Variants in AQR observed in about 807,000 individuals in gnomAD.
AQR encodes the protein RNA helicase aquarius.
In AQR, 61 loss-of-function variants were observed where a neutral mutation model predicts 180.5. The observed-to-expected ratio is 0.34, with a 90% CI of 0.28 to 0.42. AQR has a LOEUF of 0.42. Among genes scored for constraint, AQR ranks in the 10% least tolerant of loss-of-function variants. The pLI is 1.00. For synonymous variants in AQR, 551 were observed against 588.8 expected, an observed-to-expected ratio of 0.94 and a Z score of 0.93; for missense variants, 1,281 against 1,798.3, an observed-to-expected ratio of 0.71 and a Z score of 5.20.
At chr15:34,883,668 A>G (rs1893009688) in intron 26 of AQR, among the ~76,000 whole-genome samples, 1 of 152,226 alleles carries the variant, frequency 6.6e-6, no homozygotes, top group Non-Finnish European at 1.5e-5. Context: ...TTTCTACCTG[A>G]AAGTGTAATC....
At chr15:34,968,719 C>T (rs571870116) in intron 1 of AQR, among the ~76,000 whole-genome samples, 1 of 152,074 alleles carries the variant, frequency 6.6e-6, no homozygotes, top group Admixed American at 6.6e-5. Context: ...GGCAACCAAG[C>T]TTAGGGTGAC....
At chr15:34,893,528 T>C (rs1893181537) in intron 23 of AQR, 135 bp downstream of exon 23, 3 of 658,776 alleles carry the variant, frequency 4.6e-6, no homozygotes, top group South Asian at 2.2e-5. Flanking sequence ...ACTAGATTTC[T>C]TGAAGAGGAA....
chr15:34,895,002 C>T (rs1037990655), intron 22 of AQR, among the ~76,000 whole-genome samples: 3 of 150,130 alleles, frequency 2.0e-5, no homozygotes, highest in Non-Finnish European at 4.4e-5. Context: ...CAATTCTCTA[C>T]TAAAAATACA....
chr15:34,928,360 C>T (rs540532283), intron 12 of AQR, among the ~76,000 whole-genome samples: 2 of 152,224 alleles, frequency 1.3e-5, no homozygotes, highest in East Asian at 1.9e-4. Flanking sequence ...CTCCCATCCC[C>T]GACAGGTACT....
At chr15:34,926,392 TTA>T (rs1893764754) in intron 13 of AQR, among the ~76,000 whole-genome samples, 1 of 152,160 alleles carries the variant, frequency 6.6e-6, no homozygotes, top group African/African-American at 2.4e-5. Context: ...AGTATAGTAG[TTA>T]AAAGTTAGGG....
chr15:34,902,411 C>A (rs1194162592), intron 19 of AQR, among the ~76,000 whole-genome samples: 1 of 152,056 alleles, frequency 6.6e-6, no homozygotes, highest in Non-Finnish European at 1.5e-5. Flanking sequence ...CCAAAGAAAC[C>A]AAAAGAGCAT....
chr15:34,908,720 G>C (rs1893456034), intron 17 of AQR, among the ~76,000 whole-genome samples: 1 of 152,156 alleles, frequency 6.6e-6, no homozygotes, highest in Non-Finnish European at 1.5e-5. Context: ...TCAGTAATGG[G>C]GGAAGTGGCC....
Position 34,862,850 on chromosome 15 carries a change from GAAGA to G in AQR, c.4029+13_4029+16del, listed in dbSNP as rs1892689234. 1 of 1,611,234 alleles carries G rather than the reference GAAGA, an allele frequency of 6.2e-7. No individual in the cohort carries two copies. On this transcript the variant is annotated intron_variant, in intron 33 of 34. Coordinates refer to ENST00000156471, the MANE Select transcript of AQR (RefSeq NM_014691.3). ...TCTGAGGAATGCTGTTTTATAAAAT[GAAGA>G]AAGAAGTCCTACCTTTCTAGTAGTT...
chr15:34,873,665 CATGT>C (rs1250348912), intron 30 of AQR, among the ~76,000 whole-genome samples, 159 bp downstream of exon 30: 3 of 152,016 alleles, frequency 2.0e-5, no homozygotes, highest in African/African-American at 7.2e-5. Flanking sequence ...TTCTTTAGTG[CATGT>C]ATTTTTAATC....
intron 4 of AQR, among the ~76,000 whole-genome samples, chr15:34,950,529 ATTT>A (rs902273770): frequency 6.6e-6 from 1 of 151,930 alleles, no homozygotes; most frequent in African/African-American, 2.4e-5. Flanking sequence ...AATTTCAGTG[ATTT>A]TTTATCTCCA....
chr15:34,942,696 G>A lies in AQR; in HGVS notation c.472-616C>T, dbSNP rs181069064. Among the ~76,000 whole-genome samples, 44 of 152,258 alleles carry A rather than the reference G, an allele frequency of 2.9e-4. No homozygotes were observed. In the East Asian group the frequency reaches 7.5e-3, roughly 26 times the overall value. On this transcript the variant is annotated intron_variant, in intron 6 of 34. Coordinates refer to ENST00000156471, the MANE Select transcript of AQR (RefSeq NM_014691.3). ...ATCAATAATATACAATAAATAAGCTGTCTTTAAATAGAAACACACATAAAA... is the reference window on the plus strand; with the variant it reads ...ATCAATAATATACAATAAATAAGCTATCTTTAAATAGAAACACACATAAAA...
chr15:34,875,583 GA>G (rs541546485), intron 28 of AQR, among the ~76,000 whole-genome samples: 3 of 150,762 alleles, frequency 2.0e-5, no homozygotes, highest in Admixed American at 1.3e-4. Context: ...CAGTGAAAAT[GA>G]AAAAAATAAT....
chr15:34,882,375 A>C, intron 27 of AQR, 127 bp downstream of exon 27: 1 of 1,054,118 alleles, frequency 9.5e-7, no homozygotes, highest in South Asian at 2.9e-5. Flanking sequence ...TCATGTAAAC[A>C]AGGGATATTA....
chr15:34,909,887 C>T lies in AQR; in HGVS notation c.1663+248G>A, dbSNP rs572602715. Among the ~76,000 whole-genome samples the T allele has an allele frequency of 2.6e-5, 4 of 152,108 alleles. No homozygotes were observed. In the East Asian group the frequency reaches 7.7e-4, roughly 29 times the overall value. ...GCTTTGCAAACTTCAGTTTTCAAAACGTTGATATGTATGCAATTTTATACT... is the reference window on the plus strand; with the variant it reads ...GCTTTGCAAACTTCAGTTTTCAAAATGTTGATATGTATGCAATTTTATACT... On this transcript the variant is annotated intron_variant, in intron 17 of 34. Coordinates refer to ENST00000156471, the MANE Select transcript of AQR (RefSeq NM_014691.3).
At chr15:34,902,778 AACTCTTAGATT>A (rs1893351157) in intron 19 of AQR, among the ~76,000 whole-genome samples, 1 of 152,142 alleles carries the variant, frequency 6.6e-6, no homozygotes, top group South Asian at 2.1e-4. Flanking sequence ...AAAACTTGGA[AACTCTTAGATT>A]TCTCCATCCT....
At chr15:34,920,299 C>A in intron 14 of AQR, 33 bp downstream of exon 14, 1 of 1,508,326 alleles carries the variant, frequency 6.6e-7, no homozygotes, top group Non-Finnish European at 9.1e-7. Context: ...CAAGGAAAAC[C>A]ACATGCAAAA....
Position 34,910,446 on chromosome 15 carries a change from T to C in AQR, c.1485-133A>G, listed in dbSNP as rs1251153758. 6.2e-6 allele frequency: 6 copies of C among 972,052 alleles called. No individual in the cohort carries two copies. In the Admixed American group the frequency reaches 1.5e-4, roughly 24 times the overall value. The allele number at this position is 972,052 out of a possible 1,614,324, so 60.2% of individuals were successfully genotyped here. A position where few individuals can be genotyped will look rare whatever the true frequency, so the allele number is the denominator to read the frequency against. On this transcript the variant is annotated intron_variant, in intron 16 of 34. Transcript: ENST00000156471. ...CCTAATATTAGTAACTCTTATTTCT[T>C]AACTTAAAAAAAAGAAAACCTTTAA...
At chr15:34,905,767 G>T (rs12324073) in intron 18 of AQR, among the ~76,000 whole-genome samples, 2,748 of 151,774 alleles carry the variant, frequency 0.018, 76 homozygotes, top group African/African-American at 0.058. Context: ...AAAAAAATAT[G>T]GTAAAGTATT....
intron 5 of AQR, among the ~76,000 whole-genome samples, chr15:34,947,954 T>C (rs1365930640): frequency 6.6e-6 from 1 of 152,238 alleles, no homozygotes; most frequent in African/African-American, 2.4e-5. Context: ...TACTTATTAA[T>C]ATAATTTCCA....
Sources: gnomAD v4.1 joint callset for allele counts (sites outside exome capture counted in the v4.1 genomes callset) on GRCh38, gnomAD v4.1.1 for gene constraint, MANE v1.5 for transcripts, NCBI Gene and HGNC (gene_info 2026-07-23, HGNC 2026-07-21) for gene names.